Variants in MCF2L2 observed in about 807,000 individuals in gnomAD.
MCF2L2 encodes the protein probable guanine nucleotide exchange factor MCF2L2.
MCF2L2 carries 102 observed loss-of-function variants against 150.2 expected under a neutral mutation model. The observed-to-expected ratio is 0.68, with a 90% CI of 0.58 to 0.80. The LOEUF is 0.80. Ranked by LOEUF, MCF2L2 falls within the 30% of genes least tolerant of loss-of-function variation. MCF2L2 has a pLI of 0.00. For missense variants in MCF2L2, 1,256 were observed against 1,372.8 expected, an observed-to-expected ratio of 0.91 and a Z score of 1.34; for synonymous variants, 465 against 491.3, an observed-to-expected ratio of 0.95 and a Z score of 0.71.
chr3:183,334,161 T>C (rs9631498), intron 5 of MCF2L2, among the ~76,000 whole-genome samples: 1 of 152,148 alleles, frequency 6.6e-6, no homozygotes, highest in African/African-American at 2.4e-5. Context: ...TAGCTTACAG[T>C]AAAATACCAA....
intron 3 of MCF2L2, among the ~76,000 whole-genome samples, chr3:183,347,263 C>A (rs2108547967): frequency 6.6e-6 from 1 of 152,244 alleles, no homozygotes; most frequent in East Asian, 1.9e-4. Context: ...CATCTACAAC[C>A]ATCTGATCTT....
At position 183,229,667 on chromosome 3, in the gene MCF2L2, T is replaced by C. The variant is rs750638823; in HGVS notation, c.2044A>G (p.Arg682Gly). ...NIRELYEFHN[R>G]TFLKELEKCA... is the part of the protein sequence containing the mutation. ...CTGATAACATGAATTATTATATACC[T>C]GTTGTGAAATTCGTAAAGTTCTCTA... Residue 682 changes from arginine to glycine, a missense_variant and splice_region_variant, in exon 17 of 30, where the codon AGG becomes GGG. Physicochemically the swap from Arg to Gly is moderately radical, Grantham distance 125. Coordinates refer to ENST00000328913, the MANE Select transcript of MCF2L2 (RefSeq NM_015078.4). 2.2e-6 allele frequency: 3 copies of C among 1,357,382 alleles called. No homozygotes were observed. The highest frequency in any genetic ancestry group is 2.4e-5 in the South Asian group (2 of 83,426). 84.1% of individuals were successfully genotyped at this position (1,357,382 alleles called of 1,614,324 possible).
At chr3:183,407,765 G>C (rs575712665) in intron 1 of MCF2L2, among the ~76,000 whole-genome samples, 25 of 152,292 alleles carry the variant, frequency 1.6e-4, no homozygotes, top group African/African-American at 6.0e-4. Flanking sequence ...CTGCGGGCTT[G>C]TTCCTCCTTT....
intron 18 of MCF2L2, chr3:183,224,749 G>C (rs1489561592): frequency 6.6e-6 from 1 of 152,582 alleles, no homozygotes; most frequent in Non-Finnish European, 1.5e-5. Flanking sequence ...CAAAGTGACA[G>C]GCTCCGCCTC....
chr3:183,406,563 A>G (rs531005786), intron 1 of MCF2L2, among the ~76,000 whole-genome samples: 1 of 152,252 alleles, frequency 6.6e-6, no homozygotes, highest in East Asian at 1.9e-4. Context: ...ATCTCGGCTC[A>G]CTGCAACCTC....
chr3:183,284,499 C>T (rs1201092617), intron 14 of MCF2L2, among the ~76,000 whole-genome samples: 7 of 152,016 alleles, frequency 4.6e-5, no homozygotes, highest in Non-Finnish European at 1.0e-4. Flanking sequence ...GTCAGGAGTT[C>T]GAGACCAGCC....
chr3:183,400,615 G>A (rs1001068958), intron 1 of MCF2L2: 15 of 361,200 alleles, frequency 4.2e-5, no homozygotes, highest in Non-Finnish European at 6.6e-5. Context: ...AGGTCATTTC[G>A]TGGCCGAGAG....
chr3:183,417,860 G>A (rs545195573), intron 1 of MCF2L2, among the ~76,000 whole-genome samples: 5 of 152,268 alleles, frequency 3.3e-5, no homozygotes, highest in African/African-American at 1.2e-4. Flanking sequence ...TGTTTACAGG[G>A]TGGCAAGGGA....
intron 13 of MCF2L2, among the ~76,000 whole-genome samples, chr3:183,294,144 C>T (rs891236472): frequency 6.6e-6 from 1 of 152,072 alleles, no homozygotes; most frequent in African/African-American, 2.4e-5. Flanking sequence ...GTTGGAACAT[C>T]GCATGACTTG....
intron 11 of MCF2L2, 141 bp from the exon 12 acceptor site, chr3:183,297,308 A>C: frequency 1.4e-6 from 1 of 725,428 alleles, no homozygotes; most frequent in Non-Finnish European, 2.3e-6. Context: ...CATCGAGTTT[A>C]AGGGGTCTAA....
intron 1 of MCF2L2, among the ~76,000 whole-genome samples, chr3:183,416,411 C>T (rs188263286): frequency 2.6e-4 from 39 of 152,204 alleles, no homozygotes; most frequent in African/African-American, 8.9e-4. Context: ...TTTTCTCCTA[C>T]CCACCTCCCC....
At position 183,352,664 on chromosome 3, in the gene MCF2L2, C is replaced by G. The variant is rs150748138; in HGVS notation, c.276-11034G>C. Among the ~76,000 whole-genome samples the G allele has an allele frequency of 5.1e-4, 78 of 152,306 alleles. 1 individual carries two copies. Among genetic ancestry groups the G allele is most frequent in the African/African-American group, 1.4e-3 (60 of 41,578 alleles). ...CAAAGAACAGCGCTTTGAGGGACAT[C>G]AGTAGCTCTTGAGTAAAAAAAGAGA... On this transcript the variant is annotated intron_variant, in intron 3 of 29. Coordinates refer to ENST00000328913, the MANE Select transcript of MCF2L2 (RefSeq NM_015078.4).
chr3:183,213,730 C>G (rs1158997244), intron 22 of MCF2L2, among the ~76,000 whole-genome samples: 2 of 152,116 alleles, frequency 1.3e-5, no homozygotes, highest in Non-Finnish European at 2.9e-5. Context: ...AAGAAATAGT[C>G]CAAGGTGACA....
rs1398159024 is a variant in MCF2L2, at chr3:183,267,599, C to T, written c.1862+9273G>A. ...TTGCCCTGGGGCTTGCTATGTGGCT[C>T]AGCCTACACGGCTCTCTCCCCGTCA... is the stretch of plus-strand genomic sequence containing the variant. On this transcript the variant is annotated intron_variant, in intron 15 of 29. Coordinates refer to ENST00000328913, the MANE Select transcript of MCF2L2 (RefSeq NM_015078.4). This position sits in a 1 kb window ranked among gnomAD's most constrained non-coding sequence, Gnocchi z 5.5. Among the ~76,000 whole-genome samples the T allele has an allele frequency of 6.6e-6, 1 of 151,984 alleles. No individual in the cohort carries two copies. The highest frequency in any genetic ancestry group is 1.9e-4 in the East Asian group (1 of 5,142).
At chr3:183,379,555 A>C in intron 2 of MCF2L2, 144 bp from the exon 3 acceptor site, 1 of 634,248 alleles carries the variant, frequency 1.6e-6, no homozygotes, top group South Asian at 1.9e-5. Flanking sequence ...TAACACAGTT[A>C]TTTTGAACAA....
intron 2 of MCF2L2, among the ~76,000 whole-genome samples, chr3:183,380,546 C>T (rs544446900): frequency 6.6e-6 from 1 of 152,106 alleles, no homozygotes; most frequent in Non-Finnish European, 1.5e-5. Flanking sequence ...GGATTACAGG[C>T]GTGCACCACC....
intron 3 of MCF2L2, among the ~76,000 whole-genome samples, chr3:183,360,475 G>A (rs1577090595): frequency 6.6e-6 from 1 of 152,092 alleles, no homozygotes; most frequent in Non-Finnish European, 1.5e-5. Flanking sequence ...GCTGAAGTAG[G>A]AGGATTGCTT....
Position 183,276,964 on chromosome 3 carries a change from T to C in MCF2L2, c.1777-7A>G. 1 of 1,582,376 alleles carries C rather than the reference T, an allele frequency of 6.3e-7. No homozygotes were observed. The highest frequency in any genetic ancestry group is 8.6e-7 in the Non-Finnish European group (1 of 1,158,104). On this transcript the variant is annotated splice_polypyrimidine_tract_variant and splice_region_variant and intron_variant, in intron 14 of 29. Transcript: ENST00000328913. ...TTTCAAAGATTTCTTCACTCTGAAG[T>C]GAAAGAAATTTTGGTAAGATTTGAT... is the stretch of plus-strand genomic sequence containing the variant.
intron 15 of MCF2L2, among the ~76,000 whole-genome samples, chr3:183,263,098 A>G (rs1483064014): frequency 6.6e-6 from 1 of 152,088 alleles, no homozygotes; most frequent in East Asian, 1.9e-4. Context: ...TGAGTGTACT[A>G]TAGAGTGAGT....
Sources: allele counts gnomAD v4.1 joint callset (sites outside exome capture counted in the v4.1 genomes callset), GRCh38; gene constraint gnomAD v4.1.1; non-coding constraint Gnocchi (gnomAD v3.1); transcripts MANE v1.5; gene names NCBI Gene and HGNC (gene_info 2026-07-23, HGNC 2026-07-21).